CHP1: variants seen among roughly 807,000 people sequenced by gnomAD.
The protein encoded by CHP1 is calcineurin like EF-hand protein 1, also known as calcineurin B homologous protein 1.
A neutral mutation model predicts 27.4 loss-of-function variants in CHP1; 11 were observed. That is an observed-to-expected ratio of 0.40 (90% CI 0.25 to 0.67). The LOEUF is 0.67. CHP1 is among the 30% of genes least tolerant of loss of function. The pLI, the probability that CHP1 is intolerant of heterozygous loss-of-function variation, is 0.38. For missense variants in CHP1, 169 were observed against 251.3 expected, an observed-to-expected ratio of 0.67 and a Z score of 2.22; for synonymous variants, 89 against 87.4, an observed-to-expected ratio of 1.02 and a Z score of -0.10.
intron 2 of CHP1, among the ~76,000 whole-genome samples, chr15:41,244,451 G>A (rs553905597): frequency 6.6e-6 from 1 of 152,200 alleles, no homozygotes; most frequent in African/African-American, 2.4e-5. Context: ...ATAACCCTGA[G>A]GTACATCACT....
rs1180084681 is a variant in CHP1, at chr15:41,263,271, T to A, written c.349+388T>A. 3.3e-5 allele frequency among the ~76,000 whole-genome samples: 5 copies of A among 152,208 alleles called. No individual in the cohort carries two copies. In the East Asian group the frequency reaches 9.6e-4, roughly 29 times the overall value. Reference sequence around the variant, plus strand: ...ACCTACCGTGTGCCAGGCACTGTGTTAAGTGCTAGCATGGCAATAGTGAAC... The same window carrying A: ...ACCTACCGTGTGCCAGGCACTGTGTAAAGTGCTAGCATGGCAATAGTGAAC... On this transcript the variant is annotated intron_variant, in intron 4 of 6. Coordinates refer to ENST00000334660, the MANE Select transcript of CHP1 (RefSeq NM_007236.5).
chr15:41,279,470 C>A lies in CHP1; in HGVS notation c.*81C>A. ...CTCCTTCTACCAACTCCACCTCCACCCCCTCATTCCCCTTCTCCCAAAGTA... is the reference window on the plus strand; with the variant it reads ...CTCCTTCTACCAACTCCACCTCCACACCCTCATTCCCCTTCTCCCAAAGTA... On this transcript the variant is annotated 3_prime_UTR_variant, in exon 7 of 7. Coordinates refer to ENST00000334660, the MANE Select transcript of CHP1 (RefSeq NM_007236.5). The A allele has an allele frequency of 9.0e-7, 1 of 1,113,124 alleles. No individual in the cohort carries two copies. Among genetic ancestry groups the A allele is most frequent in the Non-Finnish European group, 1.4e-6 (1 of 738,314 alleles). 69.0% of individuals were successfully genotyped at this position (1,113,124 alleles called of 1,614,324 possible).
chr15:41,252,628 T>C (rs2047375625), intron 2 of CHP1, among the ~76,000 whole-genome samples: 1 of 152,172 alleles, frequency 6.6e-6, no homozygotes, highest in Admixed American at 6.6e-5. Context: ...AGAAGGGACT[T>C]GCACAGTGAA....
Position 41,231,424 on chromosome 15 carries a change from C to G in CHP1, c.42C>G (p.Leu14=). 1 of 1,604,726 alleles carries G rather than the reference C, an allele frequency of 6.2e-7. No homozygotes were observed. The highest frequency in any genetic ancestry group is 8.5e-7 in the Non-Finnish European group (1 of 1,176,744). Residue 14 remains leucine, a synonymous_variant, in exon 1 of 7, where the codon CTC becomes CTG. Transcript: ENST00000334660. ...CCACGTTACTGCGGGACGAAGAGCT[C>G]GAGGAGATCAAGAAGGAGACCGGCT... The part of the protein sequence containing the change: ...RASTLLRDEE[L]EEIKKETGFS...
intron 1 of CHP1, among the ~76,000 whole-genome samples, chr15:41,233,493 A>G (rs2047262742): frequency 6.6e-6 from 1 of 152,204 alleles, no homozygotes; most frequent in Non-Finnish European, 1.5e-5. Context: ...CCAAAGAGTG[A>G]GTCACTTGTG....
intron 5 of CHP1, among the ~76,000 whole-genome samples, chr15:41,275,330 T>C (rs567404303): frequency 4.0e-5 from 6 of 151,740 alleles, no homozygotes; most frequent in African/African-American, 1.4e-4. Context: ...AATTTTTGTA[T>C]TTGTAGTAGA....
chr15:41,253,429 A>AC (rs1403970808), intron 2 of CHP1, among the ~76,000 whole-genome samples: 4 of 82,296 alleles, frequency 4.9e-5, no homozygotes, highest in African/African-American at 1.9e-4. Flanking sequence ...CAAAGTATTT[A>AC]TTTATTTATT....
At chr15:41,249,633 C>T (rs946419496) in intron 2 of CHP1, among the ~76,000 whole-genome samples, 1 of 151,754 alleles carries the variant, frequency 6.6e-6, no homozygotes, top group Admixed American at 6.6e-5. Context: ...CCACCACACC[C>T]AGCTAATTTT....
Position 41,278,784 on chromosome 15 carries a change from C to T in CHP1, c.429C>T (p.Val143=), listed in dbSNP as rs146971817. 4 of 1,613,966 alleles carry T rather than the reference C, an allele frequency of 2.5e-6. No homozygotes were observed. The highest frequency in any genetic ancestry group is 1.7e-5 in the Admixed American group (1 of 59,974). Residue 143 remains valine (V), a synonymous_variant, in exon 6 of 7, where the codon GTC becomes GTT. Coordinates refer to ENST00000334660, the MANE Select transcript of CHP1 (RefSeq NM_007236.5). ...TCTTCCAGGTGCTACGCATGATGGT[C>T]GGAGTAAATATCTCAGATGAGCAGC... The part of the protein sequence containing the change: ...DELLQVLRMM[V]GVNISDEQLG...
chr15:41,277,783 C>T (rs967458677), intron 5 of CHP1, among the ~76,000 whole-genome samples: 30 of 139,780 alleles, frequency 2.1e-4, no homozygotes, highest in Admixed American at 8.4e-4. Context: ...AGTGAAACTC[C>T]GCCTCAGGAA....
At chr15:41,270,763 C>A in intron 5 of CHP1, 145 bp downstream of exon 5, 1 of 631,144 alleles carries the variant, frequency 1.6e-6, no homozygotes, top group Non-Finnish European at 2.7e-6. Context: ...AAGGAGATGA[C>A]CTGGGAAAAC....
At chr15:41,232,342 C>G (rs1181728792) in intron 1 of CHP1, among the ~76,000 whole-genome samples, 1 of 151,700 alleles carries the variant, frequency 6.6e-6, no homozygotes, top group Admixed American at 6.6e-5. Context: ...TCCCAGGTAG[C>G]TGGGAGTACA....
At chr15:41,238,194 G>A (rs1475019822) in intron 1 of CHP1, among the ~76,000 whole-genome samples, 1 of 151,204 alleles carries the variant, frequency 6.6e-6, no homozygotes, top group Non-Finnish European at 1.5e-5. Flanking sequence ...GTCTCACTCT[G>A]TCACCCAGGT....
chr15:41,243,783 C>A, intron 2 of CHP1, 44 bp downstream of exon 2: 1 of 1,563,174 alleles, frequency 6.4e-7, no homozygotes, highest in Non-Finnish European at 8.8e-7. Context: ...AACCAGAAAC[C>A]CTCTGGCAGT....
At chr15:41,249,598 G>A (rs1360424478) in intron 2 of CHP1, among the ~76,000 whole-genome samples, 2 of 147,098 alleles carry the variant, frequency 1.4e-5, no homozygotes, top group African/African-American at 2.5e-5. Flanking sequence ...TCAGCCAACC[G>A]AGTAGCTGGG....
chr15:41,244,555 C>T (rs1048712554), intron 2 of CHP1, among the ~76,000 whole-genome samples: 2 of 152,066 alleles, frequency 1.3e-5, no homozygotes, highest in Non-Finnish European at 2.9e-5. Flanking sequence ...GGCAAAATGT[C>T]TGGAAACATT....
intron 3 of CHP1, among the ~76,000 whole-genome samples, chr15:41,259,775 C>T (rs780114707): frequency 1.2e-4 from 18 of 152,186 alleles, no homozygotes; most frequent in African/African-American, 1.9e-4. Flanking sequence ...TTTTTTGAGA[C>T]GGAGTCTCCC....
At chr15:41,241,766 T>G (rs781166425) in intron 1 of CHP1, among the ~76,000 whole-genome samples, 1 of 152,220 alleles carries the variant, frequency 6.6e-6, no homozygotes, top group Non-Finnish European at 1.5e-5. Context: ...TCTGGGCCAC[T>G]CACTACCTGC....
intron 1 of CHP1, among the ~76,000 whole-genome samples, chr15:41,235,825 ATGTAGGAC>A (rs753519063): frequency 1.3e-5 from 2 of 152,132 alleles, no homozygotes; most frequent in Non-Finnish European, 2.9e-5. Flanking sequence ...GTGCCTCCAA[ATGTAGGAC>A]CCTTCACAGC....
Sources: allele counts gnomAD v4.1 joint callset (sites outside exome capture counted in the v4.1 genomes callset), GRCh38; gene constraint gnomAD v4.1.1; transcripts MANE v1.5; gene names NCBI Gene and HGNC (gene_info 2026-07-23, HGNC 2026-07-21).